The following CR1L variants were observed in gnomAD, a reference collection of about 807,000 sequenced individuals.
The protein encoded by CR1L is complement C3b/C4b receptor 1 like.
A neutral mutation model predicts 62.3 loss-of-function variants in CR1L; 59 were observed. The observed-to-expected ratio is 0.95, with a 90% confidence interval of 0.77 to 1.18. The LOEUF (loss-of-function observed/expected upper bound fraction) is 1.18, where lower values mean the gene tolerates loss of function less well. Ranked by LOEUF, CR1L falls within the 50% of genes most tolerant of loss-of-function variation. The pLI is 0.00. For missense variants in CR1L, 700 were observed against 702.8 expected (o/e 1.00, Z 0.04); for synonymous variants, 279 against 248.7 (o/e 1.12, Z -1.15).
Position 207,717,444 on chromosome 1 carries a change from A to C in CR1L, c.1415-20A>C. The C allele has an allele frequency of 6.2e-7, 1 of 1,609,896 alleles. No individual in the cohort carries two copies. The highest frequency in any genetic ancestry group is 2.2e-5 in the East Asian group (1 of 44,878). ...AAGTGAAACTCTAATAGAACTTAAA[A>C]GCTCTTGTTTTCTTTCTAGAAATCT... On this transcript the variant is annotated intron_variant, in intron 10 of 11. Coordinates refer to ENST00000508064, the MANE Select transcript of CR1L (RefSeq NM_175710.2).
At chr1:207,702,293 T>C (rs1365928227) in intron 9 of CR1L, among the ~76,000 whole-genome samples, 6 of 152,218 alleles carry the variant, frequency 3.9e-5, no homozygotes, top group Non-Finnish European at 7.3e-5. Flanking sequence ...GAAAACTTAA[T>C]AAATGTGCAT....
rs778352738 is a variant in CR1L at position 207,697,793 on chromosome 1, G to GGGCCAACTTCCTA, written c.1063_1075dup (p.Asn359ArgfsTer5). The GGGCCAACTTCCTA allele has an allele frequency of 4.2e-5, 68 of 1,613,944 alleles. No individual in the cohort carries two copies. The highest frequency in any genetic ancestry group is 2.3e-4 in the Admixed American group (14 of 60,006). On this transcript the variant is annotated frameshift_variant, in exon 7 of 12. Transcript: ENST00000508064. LOFTEE classifies it high-confidence loss of function. ...CAGTGAAATCCTGTGATGACTTCCT[G>GGGCCAACTTCCTA]GGCCAACTTCCTAATGGCCATGTGC... is the stretch of plus-strand genomic sequence containing the variant.
intron 1 of CR1L, chr1:207,669,688 G>C: frequency 1.7e-6 from 1 of 605,494 alleles, no homozygotes; most frequent in Non-Finnish European, 2.8e-6. Context: ...GCAGCGCGAT[G>C]GGTGGGCTGA....
chr1:207,720,510 C>A (rs552313442), intron 11 of CR1L, among the ~76,000 whole-genome samples: 6 of 152,158 alleles, frequency 3.9e-5, no homozygotes, highest in South Asian at 2.1e-4. Flanking sequence ...GAAAAAGGAA[C>A]CTTTGAGTAC....
intron 3 of CR1L, among the ~76,000 whole-genome samples, chr1:207,682,085 T>C (rs1188078641): frequency 2.0e-5 from 3 of 152,138 alleles, no homozygotes; most frequent in Admixed American, 6.5e-5. Context: ...CCATGGCACA[T>C]GTATACCTAT....
intron 1 of CR1L, among the ~76,000 whole-genome samples, chr1:207,647,348 T>C (rs1374383921): frequency 6.6e-6 from 1 of 152,180 alleles, no homozygotes; most frequent in African/African-American, 2.4e-5. Context: ...ACCTGCTGCA[T>C]AAATGGGCTG....
At chr1:207,711,731 A>ACCCT (rs1664360870) in intron 10 of CR1L, among the ~76,000 whole-genome samples, 1 of 152,150 alleles carries the variant, frequency 6.6e-6, no homozygotes, top group African/African-American at 2.4e-5. Flanking sequence ...ACATGGTGAA[A>ACCCT]CCCTGTCTTT....
intron 1 of CR1L, among the ~76,000 whole-genome samples, chr1:207,655,923 T>TA (rs1274913004): frequency 6.6e-6 from 1 of 152,146 alleles, no homozygotes; most frequent in Non-Finnish European, 1.5e-5. Context: ...AATCACACAA[T>TA]ATGTAGACTT....
intron 1 of CR1L, among the ~76,000 whole-genome samples, chr1:207,672,141 T>A (rs568184118): frequency 2.6e-4 from 39 of 150,734 alleles, no homozygotes; most frequent in Non-Finnish European, 4.4e-4. Context: ...GTACTCCCTA[T>A]AAGACCATTT....
intron 1 of CR1L, among the ~76,000 whole-genome samples, chr1:207,663,327 T>G (rs1270199053): frequency 2.0e-5 from 3 of 152,234 alleles, no homozygotes; most frequent in African/African-American, 7.2e-5. Context: ...GTTTACCTAC[T>G]CAAGCCTCGG....
intron 4 of CR1L, among the ~76,000 whole-genome samples, chr1:207,694,072 A>G (rs1664033805): frequency 6.6e-6 from 1 of 152,218 alleles, no homozygotes; most frequent in South Asian, 2.1e-4. Flanking sequence ...AGAGTAGGAG[A>G]ACACTGTATA....
intron 1 of CR1L, among the ~76,000 whole-genome samples, chr1:207,660,846 T>A (rs535491277): frequency 2.6e-5 from 4 of 152,318 alleles, no homozygotes; most frequent in African/African-American, 9.6e-5. Context: ...TATGTTGTGT[T>A]TTTGTTCTTG....
intron 1 of CR1L, among the ~76,000 whole-genome samples, chr1:207,661,418 T>G (rs1449780125): frequency 6.6e-6 from 1 of 152,224 alleles, no homozygotes; most frequent in Non-Finnish European, 1.5e-5. Flanking sequence ...TTGTCTCTTT[T>G]GTTCTTTGTT....
chr1:207,710,312 C>T, intron 10 of CR1L: 1 of 968,608 alleles, frequency 1.0e-6, no homozygotes, highest in Non-Finnish European at 1.6e-6. Context: ...CACTGCACTC[C>T]AGCCTGGGCG....
In CR1L at chr1:207,700,997, T is replaced by C. The variant is rs538490804; in HGVS notation, c.1229-522T>C. Among the ~76,000 whole-genome samples the C allele has an allele frequency of 1.5e-4, 23 of 152,356 alleles. 1 individual carries two copies. Among genetic ancestry groups the C allele is most frequent in the African/African-American group, 5.5e-4 (23 of 41,594 alleles). ...AATTGTGGGATAAGAGAAACCTTTT[T>C]TCAAAAGCGTTCAGATAGGTGGATG... On this transcript the variant is annotated intron_variant, in intron 8 of 11. Coordinates refer to ENST00000508064, the MANE Select transcript of CR1L (RefSeq NM_175710.2).
At chr1:207,655,219 A>C (rs563982328) in intron 1 of CR1L, 3 of 680,858 alleles carry the variant, frequency 4.4e-6, no homozygotes, top group African/African-American at 3.6e-5. Context: ...GAAATTCTAT[A>C]TTGTGAACTT....
Position 207,645,167 on chromosome 1 carries a change from C to T in CR1L, c.-67C>T. The T allele has an allele frequency of 6.5e-7, 1 of 1,526,954 alleles. No individual in the cohort carries two copies. The highest frequency in any genetic ancestry group is 1.4e-5 in the African/African-American group (1 of 73,178). 94.6% of individuals were successfully genotyped at this position (1,526,954 alleles called of 1,614,324 possible). A position where few individuals can be genotyped will look rare whatever the true frequency, so the allele number is the denominator to read the frequency against. On this transcript the variant is annotated 5_prime_UTR_variant, in exon 1 of 12. Coordinates refer to ENST00000508064, the MANE Select transcript of CR1L (RefSeq NM_175710.2). The stretch of plus-strand genomic sequence containing the variant: ...ACTAACCGGACTCAGAAGGGACTTC[C>T]CTGCTCGGCTGGCTTTCGGTTTCTC...
In CR1L at chr1:207,678,240, C is replaced by T. The variant is rs1663732401; in HGVS notation, c.320C>T (p.Ala107Val). Residue 107 changes from alanine to valine, a missense_variant, in exon 3 of 12, where the codon GCA becomes GTA. Transcript: ENST00000508064. ...CCTCCAGATCCTGTGAATGGCATGG[C>T]ACATGTGATCAAAGACATCCAGTTC... ...RNPPDPVNGM[A>V]HVIKDIQFRS... 1.9e-6 allele frequency: 3 copies of T among 1,613,674 alleles called. No homozygotes were observed. The highest frequency in any genetic ancestry group is 2.2e-5 in the East Asian group (1 of 44,882).
rs546226627 is a variant in CR1L at position 207,710,816 on chromosome 1, C to A, written c.1414+2553C>A. ...TTGCCTGAGGCCTAGAAGGGCCCTGCAAGTGACATGCATTGCTGTTGGATC... is the reference window on the plus strand; with the variant it reads ...TTGCCTGAGGCCTAGAAGGGCCCTGAAAGTGACATGCATTGCTGTTGGATC... On this transcript the variant is annotated intron_variant, in intron 10 of 11. Coordinates refer to ENST00000508064, the MANE Select transcript of CR1L (RefSeq NM_175710.2). 3.3e-6 allele frequency: 5 copies of A among 1,506,122 alleles called. No homozygotes were observed. The Admixed American group carries it at 5.0e-5, about 15-fold the overall frequency. The allele number at this position is 1,506,122 out of a possible 1,614,324, so 93.3% of individuals were successfully genotyped here.
Sources: allele counts gnomAD v4.1 joint callset (sites outside exome capture counted in the v4.1 genomes callset), GRCh38; gene constraint gnomAD v4.1.1; transcripts MANE v1.5; gene names NCBI Gene and HGNC (gene_info 2026-07-23, HGNC 2026-07-21).